The following NECAB2 variants were observed in gnomAD, a reference collection of about 807,000 sequenced individuals.
The protein encoded by NECAB2 is N-terminal EF-hand calcium-binding protein 2.
NECAB2 carries 68 observed loss-of-function variants against 51.9 expected under a neutral mutation model. That is an observed-to-expected ratio of 1.31 (90% CI 1.08 to 1.60). NECAB2 has a LOEUF of 1.60. Among genes scored for constraint, NECAB2 ranks in the 40% most tolerant of loss-of-function variants. The probability of loss-of-function intolerance (pLI) is 0.00; values close to 1 mark genes in which losing one functional copy is unlikely to be tolerated. For missense variants in NECAB2, 854 were observed against 490.3 expected (o/e 1.74, Z -7.00); for synonymous variants, 329 against 203.5 (o/e 1.62, Z -5.25).
intron 5 of NECAB2, among the ~76,000 whole-genome samples, chr16:83,981,820 G>C (rs554085396): frequency 6.6e-6 from 1 of 152,306 alleles, no homozygotes; most frequent in East Asian, 1.9e-4. Context: ...CCCACGGTGA[G>C]GGAACTGGGA....
chr16:83,984,662 T>C (rs1182469756), intron 5 of NECAB2, among the ~76,000 whole-genome samples: 2 of 152,046 alleles, frequency 1.3e-5, no homozygotes, highest in Non-Finnish European at 2.9e-5. Context: ...GCCTGGGAAG[T>C]CGAGGCTGCA....
chr16:84,002,346 A>C lies in NECAB2; in HGVS notation c.1161A>C (p.Ter387CysextTer24). 6.2e-7 allele frequency: 1 copy of C among 1,613,980 alleles called. No homozygotes were observed. Among genetic ancestry groups the C allele is most frequent in the African/African-American group, 1.3e-5 (1 of 75,016 alleles). The change falls in exon 13 of 13, where the codon TGA (stop) becomes TGC (cysteine). Residue 387 changes from the stop codon to cysteine (C), a stop_lost. Coordinates refer to ENST00000305202, the MANE Select transcript of NECAB2 (RefSeq NM_019065.3). ...PAAWCTVGRD[*>C] ...CTTGGTGCACGGTGGGACGGGACTG[A>C]CAGCCTCCCAGAGGCCCGTGGAGGA...
intron 5 of NECAB2, among the ~76,000 whole-genome samples, chr16:83,988,460 T>C (rs1309351066): frequency 1.3e-5 from 2 of 152,266 alleles, no homozygotes; most frequent in African/African-American, 2.4e-5. Context: ...TTTAAGATTT[T>C]AGGCTTTTTT....
intron 5 of NECAB2, 94 bp downstream of exon 5, chr16:83,981,221 C>T (rs546157277): frequency 3.7e-5 from 43 of 1,151,730 alleles, no homozygotes; most frequent in Middle Eastern, 2.5e-4. Context: ...GAAGACAGGC[C>T]GCCAGGGAGG....
At chr16:83,998,426 A>T (rs973489326) in intron 10 of NECAB2, 109 bp downstream of exon 10, 4 of 982,550 alleles carry the variant, frequency 4.1e-6, no homozygotes, top group African/African-American at 1.6e-5. Flanking sequence ...GTTGCACCCC[A>T]GGGACACACA....
Position 84,002,439 on chromosome 16 carries a change from G to C in NECAB2, c.*93G>C, listed in dbSNP as rs961145761. 3 of 1,483,992 alleles carry C rather than the reference G, an allele frequency of 2.0e-6. No individual in the cohort carries two copies. The Middle Eastern group carries it at 5.2e-4, about 255-fold the overall frequency. The allele number at this position is 1,483,992 out of a possible 1,614,324, so 91.9% of individuals were successfully genotyped here. A position where few individuals can be genotyped will look rare whatever the true frequency, so the allele number is the denominator to read the frequency against. On this transcript the variant is annotated 3_prime_UTR_variant, in exon 13 of 13. Coordinates refer to ENST00000305202, the MANE Select transcript of NECAB2 (RefSeq NM_019065.3). The stretch of plus-strand genomic sequence containing the variant: ...TCTAGACAGACACTTTGGTGCAGAA[G>C]CTTCTTTTCAATCCATCCTCCACAA...
At chr16:83,995,792 A>T (rs1167857322) in intron 8 of NECAB2, among the ~76,000 whole-genome samples, 2 of 152,172 alleles carry the variant, frequency 1.3e-5, no homozygotes, top group African/African-American at 4.8e-5. Flanking sequence ...AGGAAGCTCA[A>T]ACTTCCCCTC....
chr16:84,002,369 G>C lies in NECAB2; in HGVS notation c.*23G>C. 2 of 1,612,666 alleles carry C rather than the reference G, an allele frequency of 1.2e-6. No homozygotes were observed. Among genetic ancestry groups the C allele is most frequent in the Non-Finnish European group, 1.7e-6 (2 of 1,179,154 alleles). ...TGACAGCCTCCCAGAGGCCCGTGGA[G>C]GAGCCCACCAGCCCCTTCTTCTTGT... On this transcript the variant is annotated 3_prime_UTR_variant, in exon 13 of 13. Coordinates refer to ENST00000305202, the MANE Select transcript of NECAB2 (RefSeq NM_019065.3).
At chr16:83,984,741 A>T (rs752908469) in intron 5 of NECAB2, among the ~76,000 whole-genome samples, 6 of 152,142 alleles carry the variant, frequency 3.9e-5, no homozygotes, top group Non-Finnish European at 8.8e-5. Flanking sequence ...AAAAATAAAA[A>T]AATAAAATGT....
chr16:83,979,636 T>G (rs1027587369), intron 3 of NECAB2, among the ~76,000 whole-genome samples: 3 of 151,886 alleles, frequency 2.0e-5, no homozygotes, highest in African/African-American at 7.3e-5. Context: ...CCCATTGATT[T>G]AGACCTTCTC....
chr16:83,965,841 A>G (rs1314553232), upstream of NECAB2: 3 of 1,612,884 alleles, frequency 1.9e-6, no homozygotes, highest in Admixed American at 3.3e-5. Flanking sequence ...CTGAGCGCCA[A>G]GAGGAACCCC....
chr16:83,993,428 C>G (rs1438083761), intron 6 of NECAB2: 2 of 153,858 alleles, frequency 1.3e-5, no homozygotes, highest in African/African-American at 2.4e-5. Flanking sequence ...CAGAATGCAC[C>G]AAGACCGCGA....
At chr16:84,000,456 C>T (rs1240278099) in intron 10 of NECAB2, among the ~76,000 whole-genome samples, 1 of 152,188 alleles carries the variant, frequency 6.6e-6, no homozygotes, top group African/African-American at 2.4e-5. Flanking sequence ...GCACTCCAGC[C>T]TGGGCAACAG....
At chr16:84,002,167 G>T in intron 12 of NECAB2, 151 bp from the exon 13 acceptor site, 1 of 1,080,784 alleles carries the variant, frequency 9.3e-7, no homozygotes, top group Non-Finnish European at 1.4e-6. Context: ...CTTCCCAGGT[G>T]TGTGGTTTGC....
chr16:83,990,708 A>T, intron 6 of NECAB2, 78 bp downstream of exon 6: 1 of 1,566,754 alleles, frequency 6.4e-7, no homozygotes, highest in Non-Finnish European at 8.7e-7. Context: ...CTTGGTGGGG[A>T]TGTCTGTGTA....
intron 1 of NECAB2, among the ~76,000 whole-genome samples, chr16:83,969,061 C>A (rs997985530): frequency 2.0e-5 from 3 of 151,558 alleles, no homozygotes; most frequent in Non-Finnish European, 4.4e-5. Context: ...ACCGGGAGAC[C>A]CCCCTCCTCC....
chr16:83,996,390 G>T (rs1056037480), intron 8 of NECAB2, among the ~76,000 whole-genome samples: 2 of 152,204 alleles, frequency 1.3e-5, no homozygotes, highest in African/African-American at 2.4e-5. Flanking sequence ...AAGGTCCCTT[G>T]CTCAAACATT....
At chr16:83,980,963 A>AG in intron 4 of NECAB2, 67 bp from the exon 5 acceptor site, 1 of 1,603,462 alleles carries the variant, frequency 6.2e-7, no homozygotes, top group Non-Finnish European at 8.5e-7. Flanking sequence ...CGCAGGTGGG[A>AG]GGTGCAGGAG....
At chr16:83,978,943 C>T (rs1391715709) in intron 3 of NECAB2, among the ~76,000 whole-genome samples, 2 of 152,134 alleles carry the variant, frequency 1.3e-5, no homozygotes, top group Non-Finnish European at 2.9e-5. Context: ...TGAGGTTGAA[C>T]GTCATCCTAA....
Sources: allele counts gnomAD v4.1 joint callset (sites outside exome capture counted in the v4.1 genomes callset), GRCh38; gene constraint gnomAD v4.1.1; transcripts MANE v1.5; gene names NCBI Gene and HGNC (gene_info 2026-07-23, HGNC 2026-07-21).